The following DAB1 variants were observed in gnomAD, a reference collection of about 807,000 sequenced individuals.
DAB1 encodes disabled homolog 1.
A neutral mutation model predicts 64.6 loss-of-function variants in DAB1; 15 were observed. The observed-to-expected ratio is 0.23, with a 90% CI of 0.16 to 0.36. The LOEUF (loss-of-function observed/expected upper bound fraction) is 0.36. Among genes scored for constraint, DAB1 ranks in the 10% least tolerant of loss-of-function variants. DAB1 has a pLI of 1.00. For synonymous variants in DAB1, 235 were observed against 251.9 expected, an observed-to-expected ratio of 0.93 and a Z score of 0.64; for missense variants, 596 against 706.7, an observed-to-expected ratio of 0.84 and a Z score of 1.78.
chr1:57,168,452 A>G (rs1346011889), intron 2 of DAB1, among the ~76,000 whole-genome samples: 1 of 152,104 alleles, frequency 6.6e-6, no homozygotes, highest in Non-Finnish European at 1.5e-5. Context: ...GCTTCAGCCA[A>G]ATGAAGCCCA....
intron 7 of DAB1, among the ~76,000 whole-genome samples, chr1:57,635,473 G>A (rs1024780093): frequency 3.3e-5 from 5 of 151,998 alleles, no homozygotes; most frequent in African/African-American, 1.2e-4. Flanking sequence ...ACCCTCTCAT[G>A]GGAATGTGAA....
At chr1:57,798,824 C>T (rs1376623335) in intron 6 of DAB1, among the ~76,000 whole-genome samples, 2 of 152,116 alleles carry the variant, frequency 1.3e-5, no homozygotes, top group Non-Finnish European at 2.9e-5. Flanking sequence ...TCTTGTGTTC[C>T]TTCTGTTATC....
At chr1:57,161,414 C>T (rs1238077201) in intron 2 of DAB1, among the ~76,000 whole-genome samples, 1 of 152,146 alleles carries the variant, frequency 6.6e-6, no homozygotes, top group African/African-American at 2.4e-5. Flanking sequence ...TGGGCTGCAC[C>T]TGTAAGACAG....
At chr1:58,115,985 TAAA>T (rs142607082) in intron 5 of DAB1, among the ~76,000 whole-genome samples, 2,633 of 136,124 alleles carry the variant, frequency 0.019, 28 homozygotes, top group Non-Finnish European at 0.028. Context: ...ACTTAGAGTA[TAAA>T]AAAAAAAAAA....
intron 7 of DAB1, among the ~76,000 whole-genome samples, chr1:57,509,755 C>A (rs1644386290): frequency 6.6e-6 from 1 of 152,174 alleles, no homozygotes; most frequent in Non-Finnish European, 1.5e-5. Context: ...CTCTGTGTCT[C>A]CTCTCTGCTC....
intron 5 of DAB1, among the ~76,000 whole-genome samples, chr1:58,140,978 A>G (rs1346544298): frequency 6.6e-6 from 1 of 152,176 alleles, no homozygotes; most frequent in Non-Finnish European, 1.5e-5. Flanking sequence ...TTTATAAAGA[A>G]AAGAGGTTTA....
chr1:57,113,085 A>G (rs990471850), intron 4 of DAB1, among the ~76,000 whole-genome samples: 1 of 152,154 alleles, frequency 6.6e-6, no homozygotes, highest in Admixed American at 6.6e-5. Flanking sequence ...CTGAGGTTAG[A>G]TGACAGTTTT....
At chr1:57,425,356 TG>T (rs1488578851), upstream of DAB1, among the ~76,000 whole-genome samples, 1 of 151,962 alleles carries the variant, frequency 6.6e-6, no homozygotes, top group Non-Finnish European at 1.5e-5. Context: ...TGTTTTGGGG[TG>T]TTTTTTTTTC....
At chr1:57,368,864 A>G (rs1570386236) in intron 1 of DAB1, among the ~76,000 whole-genome samples, 1 of 152,106 alleles carries the variant, frequency 6.6e-6, no homozygotes, top group African/African-American at 2.4e-5. Context: ...CTGCCCTCCC[A>G]CTGAATATGG....
chr1:58,049,150 C>G, intron 5 of DAB1: 1 of 793,670 alleles, frequency 1.3e-6, no homozygotes, highest in East Asian at 2.4e-5. Flanking sequence ...GTGTTTGGAT[C>G]TCTCAGGACC....
chr1:58,308,558 T>A (rs541627828), intron 4 of DAB1, among the ~76,000 whole-genome samples: 5 of 152,164 alleles, frequency 3.3e-5, no homozygotes, highest in African/African-American at 1.2e-4. Context: ...CCAGAATGCA[T>A]GTGAGTCTCA....
chr1:58,435,177 C>A lies in DAB1; in HGVS notation n.257+70883G>T, dbSNP rs1399523211. On this transcript the variant is annotated intron_variant and non_coding_transcript_variant, in intron 3 of 20. Transcript: ENST00000485760. ...GAGCAGTCAGGGTATTTTTTCTCTG[C>A]TTTTGTCTATTTCCCCATATCTAGC... Among the ~76,000 whole-genome samples, 4 of 152,238 alleles carry A rather than the reference C, an allele frequency of 2.6e-5. No individual in the cohort carries two copies. The East Asian group carries it at 7.7e-4, about 29-fold the overall frequency.
At chr1:58,142,654 A>G (rs1654353309) in intron 5 of DAB1, among the ~76,000 whole-genome samples, 1 of 152,218 alleles carries the variant, frequency 6.6e-6, no homozygotes, top group African/African-American at 2.4e-5. Context: ...ACCTTTGAAT[A>G]TATTTTTCTG....
intron 1 of DAB1, among the ~76,000 whole-genome samples, chr1:57,329,587 T>A (rs1310091336): frequency 6.6e-6 from 1 of 151,464 alleles, no homozygotes; most frequent in Non-Finnish European, 1.5e-5. Flanking sequence ...TATGTCTTGA[T>A]TTAGCAAGGC....
Position 57,026,013 on chromosome 1 carries a change from T to A in DAB1, c.754A>T (p.Met252Leu). 6.3e-7 allele frequency: 1 copy of A among 1,594,334 alleles called. No individual in the cohort carries two copies. The highest frequency in any genetic ancestry group is 8.5e-7 in the Non-Finnish European group (1 of 1,172,140). ...GAGGTTATATCAGGGGGTGTGGACATGTCCCCAAAAAGTTCTAATTGGGTC... is the reference window on the plus strand; with the variant it reads ...GAGGTTATATCAGGGGGTGTGGACAAGTCCCCAAAAAGTTCTAATTGGGTC... ...AVTQLELFGD[M>L]STPPDITSPP... Residue 252 changes from methionine to leucine, a missense_variant, in exon 10 of 15, where the codon ATG becomes TTG. By Grantham distance (15) the Met-to-Leu change is conservative. Transcript: ENST00000371236.
At chr1:58,391,883 A>T (rs949051068) in intron 3 of DAB1, among the ~76,000 whole-genome samples, 1 of 152,250 alleles carries the variant, frequency 6.6e-6, no homozygotes, top group African/African-American at 2.4e-5. Context: ...TGTAGAATTA[A>T]CACATTTTAT....
intron 5 of DAB1, among the ~76,000 whole-genome samples, chr1:58,092,748 T>G (rs1299518968): frequency 1.3e-5 from 2 of 152,074 alleles, no homozygotes; most frequent in African/African-American, 4.8e-5. Flanking sequence ...CAGGTCTCTG[T>G]CAGCAAAAAG....
intron 1 of DAB1, among the ~76,000 whole-genome samples, chr1:57,349,135 G>A (rs905411000): frequency 9.2e-5 from 14 of 152,136 alleles, no homozygotes; most frequent in South Asian, 2.1e-4. Flanking sequence ...AAAGGGTGGG[G>A]CTTTCTTCAT....
intron 7 of DAB1, among the ~76,000 whole-genome samples, chr1:57,553,379 A>AG (rs1407811160): frequency 3.2e-4 from 2 of 6,318 alleles, no homozygotes; most frequent in South Asian, 0.083. Flanking sequence ...GAAGGAAGGA[A>AG]GAAAGAGAAA....
Sources: gnomAD v4.1 joint callset for allele counts (sites outside exome capture counted in the v4.1 genomes callset) on GRCh38, gnomAD v4.1.1 for gene constraint, MANE v1.5 for transcripts, NCBI Gene and HGNC (gene_info 2026-07-23, HGNC 2026-07-21) for gene names.